The following ZCWPW2 variants were observed in gnomAD, a reference collection of about 807,000 sequenced individuals.
The protein encoded by ZCWPW2 is zinc finger CW-type PWWP domain protein 2.
Under a neutral mutation model 46.6 loss-of-function variants are expected in ZCWPW2, and 45 were observed. The ratio of observed to expected loss-of-function variants is 0.96; its 90% confidence interval spans 0.76 to 1.24. The LOEUF (loss-of-function observed/expected upper bound fraction) is 1.24, where lower values mean the gene tolerates loss of function less well. Ranked by LOEUF, ZCWPW2 falls within the 50% of genes most tolerant of loss-of-function variation. ZCWPW2 has a pLI of 0.00. For synonymous variants in ZCWPW2, 152 were observed against 137.1 expected (o/e 1.11, Z -0.76); for missense variants, 429 against 403.9 (o/e 1.06, Z -0.53).
At chr3:28,451,631 TGG>T (rs1335495204) in intron 4 of ZCWPW2, among the ~76,000 whole-genome samples, 2 of 152,316 alleles carry the variant, frequency 1.3e-5, no homozygotes, top group East Asian at 3.9e-4. Context: ...CCATTTGCAG[TGG>T]TCATTTGACT....
chr3:28,510,619 A>G (rs1445084070), intron 6 of ZCWPW2, among the ~76,000 whole-genome samples: 1 of 152,150 alleles, frequency 6.6e-6, no homozygotes, highest in Non-Finnish European at 1.5e-5. Context: ...TTAGCTCTAC[A>G]CTAACCCAAG....
intron 2 of ZCWPW2, among the ~76,000 whole-genome samples, chr3:28,390,947 T>C (rs918749580): frequency 2.6e-5 from 4 of 152,126 alleles, no homozygotes; most frequent in African/African-American, 9.7e-5. Flanking sequence ...CTGTCTTTTG[T>C]TTTAAAGACA....
intron 1 of ZCWPW2, among the ~76,000 whole-genome samples, chr3:28,359,819 T>G (rs1575044418): frequency 6.6e-6 from 1 of 152,114 alleles, no homozygotes; most frequent in Admixed American, 6.6e-5. Flanking sequence ...CCCTACACAT[T>G]GTAGATTATG....
At chr3:28,414,326 T>C (rs1696548275) in intron 3 of ZCWPW2, among the ~76,000 whole-genome samples, 1 of 151,964 alleles carries the variant, frequency 6.6e-6, no homozygotes, top group South Asian at 2.1e-4. Flanking sequence ...GTTTCTTCTC[T>C]TTTCAAATCT....
intron 1 of ZCWPW2, among the ~76,000 whole-genome samples, chr3:28,355,302 G>A (rs898757412): frequency 7.9e-5 from 12 of 152,180 alleles, no homozygotes; most frequent in African/African-American, 2.7e-4. Flanking sequence ...GGAATGTGAA[G>A]GACCTCTTCA....
rs578178124 is a variant in ZCWPW2, at chr3:28,380,934, GTATATATATATATATATATATATATATA to G, written c.-133-9554_-133-9527del. ...ACTTTACCAAATATATATATATTTG[GTATATATATATATATATATATATATATA>G]TATATATATTTGGTATATATATATA... On this transcript the variant is annotated intron_variant, in intron 1 of 9. Coordinates refer to ENST00000383768, the MANE Select transcript of ZCWPW2 (RefSeq NM_001040432.4). Among the ~76,000 whole-genome samples, 15 of 13,436 alleles carry G rather than the reference GTATATATATATATATATATATATATATA, an allele frequency of 1.1e-3. 1 individual carries two copies. The highest frequency in any genetic ancestry group is 2.5e-3 in the Admixed American group (2 of 814). 8.8% of individuals were successfully genotyped at this position (13,436 alleles called of 152,430 possible). A position where few individuals can be genotyped will look rare whatever the true frequency, so the allele number is the denominator to read the frequency against.
chr3:28,360,599 C>T (rs1469351625), intron 1 of ZCWPW2, among the ~76,000 whole-genome samples: 3 of 147,752 alleles, frequency 2.0e-5, no homozygotes, highest in Non-Finnish European at 3.0e-5. Context: ...ATTGATGAAA[C>T]CAAGGGGCAA....
intron 4 of ZCWPW2, among the ~76,000 whole-genome samples, chr3:28,469,430 A>G (rs1698953053): frequency 6.6e-6 from 1 of 152,170 alleles, no homozygotes; most frequent in Admixed American, 6.5e-5. Flanking sequence ...AGAGTGGCTG[A>G]ATGGATATAA....
chr3:28,425,716 G>A (rs532503409), intron 3 of ZCWPW2, among the ~76,000 whole-genome samples: 3 of 152,310 alleles, frequency 2.0e-5, no homozygotes, highest in African/African-American at 4.8e-5. Context: ...CAAGAGAATA[G>A]CACTTTCTTT....
intron 2 of ZCWPW2, among the ~76,000 whole-genome samples, chr3:28,400,219 A>G (rs1255733702): frequency 6.6e-6 from 1 of 152,106 alleles, no homozygotes; most frequent in Non-Finnish European, 1.5e-5. Flanking sequence ...GGATTAAACC[A>G]ATCCAACAAA....
At chr3:28,409,539 A>G (rs76275524) in intron 2 of ZCWPW2, among the ~76,000 whole-genome samples, 3,991 of 152,286 alleles carry the variant, frequency 0.026, 154 homozygotes, top group African/African-American at 0.085. Context: ...AGTGATAATT[A>G]TGACAAATTT....
chr3:28,391,803 T>A (rs2125718647), intron 2 of ZCWPW2, among the ~76,000 whole-genome samples: 1 of 152,026 alleles, frequency 6.6e-6, no homozygotes, highest in South Asian at 2.1e-4. Context: ...CCTCATCCCC[T>A]AAGAAGGAGC....
At chr3:28,487,886 T>A (rs1286983599) in intron 5 of ZCWPW2, among the ~76,000 whole-genome samples, 4 of 151,506 alleles carry the variant, frequency 2.6e-5, no homozygotes, top group Non-Finnish European at 5.9e-5. Flanking sequence ...GGGGCTGGAG[T>A]TGAGTATTTT....
chr3:28,383,867 GCTTA>G (rs1406141211), intron 1 of ZCWPW2, among the ~76,000 whole-genome samples: 1 of 152,032 alleles, frequency 6.6e-6, no homozygotes, highest in Non-Finnish European at 1.5e-5. Context: ...GTGACTCAAT[GCTTA>G]CTTTTAAAAC....
intron 7 of ZCWPW2, among the ~76,000 whole-genome samples, chr3:28,514,831 A>AT (rs1042316803): frequency 1.3e-5 from 2 of 152,274 alleles, no homozygotes; most frequent in African/African-American, 2.4e-5. Context: ...TGAACCAGTC[A>AT]TTTTTTAAAG....
intron 1 of ZCWPW2, among the ~76,000 whole-genome samples, chr3:28,364,839 G>A (rs566666329): frequency 6.6e-6 from 1 of 152,042 alleles, no homozygotes; most frequent in South Asian, 2.1e-4. Flanking sequence ...ATTGTTTCCT[G>A]ACTTTTAATG....
At chr3:28,398,392 C>T (rs1321734949) in intron 2 of ZCWPW2, among the ~76,000 whole-genome samples, 1 of 152,132 alleles carries the variant, frequency 6.6e-6, no homozygotes, top group East Asian at 1.9e-4. Flanking sequence ...AGAATTTTTA[C>T]TTTATAGTTA....
At chr3:28,447,036 A>G (rs1419262206) in intron 4 of ZCWPW2, among the ~76,000 whole-genome samples, 2 of 152,126 alleles carry the variant, frequency 1.3e-5, no homozygotes, top group Non-Finnish European at 2.9e-5. Flanking sequence ...ATCTCCCAAC[A>G]ATAAAGAATC....
intron 2 of ZCWPW2, among the ~76,000 whole-genome samples, chr3:28,402,007 T>G (rs1695962535): frequency 6.6e-6 from 1 of 150,650 alleles, no homozygotes; most frequent in Non-Finnish European, 1.5e-5. Context: ...AGGTCATACC[T>G]CAAGGAATGA....
Sources: gnomAD v4.1 joint callset for allele counts (sites outside exome capture counted in the v4.1 genomes callset) on GRCh38, gnomAD v4.1.1 for gene constraint, MANE v1.5 for transcripts, NCBI Gene and HGNC (gene_info 2026-07-23, HGNC 2026-07-21) for gene names.